Variants in BACH2 observed in about 807,000 individuals in gnomAD.
The protein encoded by BACH2 is BACH transcriptional regulator 2, also known as transcription regulator protein BACH2.
Under a neutral mutation model 61.8 loss-of-function variants are expected in BACH2, and 5 were observed. The observed-to-expected ratio is 0.08, with a 90% confidence interval of 0.04 to 0.17. The LOEUF is 0.17. BACH2 is among the 10% of genes least tolerant of loss of function. The pLI is 1.00. For synonymous variants in BACH2, 446 were observed against 440.1 expected (o/e 1.01, Z -0.17); for missense variants, 824 against 1,091.1 (o/e 0.76, Z 3.45).
intron 4 of BACH2, among the ~76,000 whole-genome samples, chr6:90,189,799 C>CT (rs1354921789): frequency 6.6e-6 from 1 of 152,110 alleles, no homozygotes; most frequent in Non-Finnish European, 1.5e-5. Flanking sequence ...GTTGGTTAAT[C>CT]TGCTGAGCCA....
chr6:90,224,907 A>G (rs573686121), intron 3 of BACH2, among the ~76,000 whole-genome samples: 271 of 152,342 alleles, frequency 1.8e-3, no homozygotes, highest in African/African-American at 6.4e-3. Flanking sequence ...AAAACTGCAG[A>G]AAGTGTTTTC....
intron 1 of BACH2, among the ~76,000 whole-genome samples, chr6:90,292,627 AG>A (rs534003616): frequency 8.1e-4 from 123 of 152,274 alleles, no homozygotes; most frequent in African/African-American, 2.6e-3. Flanking sequence ...TCTATTTTCC[AG>A]GTAGTTGTAA....
intron 8 of BACH2, among the ~76,000 whole-genome samples, chr6:89,934,608 G>A (rs891367981): frequency 2.0e-5 from 3 of 151,992 alleles, no homozygotes; most frequent in Non-Finnish European, 4.4e-5. Flanking sequence ...GCAGTGAGCC[G>A]AGATTGCACC....
intron 4 of BACH2, among the ~76,000 whole-genome samples, chr6:90,147,136 A>T (rs1038081895): frequency 1.2e-4 from 18 of 152,098 alleles, no homozygotes; most frequent in East Asian, 3.8e-4. Context: ...TGCAATATTT[A>T]AAAAAAAGCC....
chr6:90,126,619 A>AT (rs1783861822), intron 4 of BACH2, among the ~76,000 whole-genome samples: 1 of 152,214 alleles, frequency 6.6e-6, no homozygotes, highest in Admixed American at 6.5e-5. Flanking sequence ...ATTCAACATA[A>AT]CAGCAATAAA....
At chr6:90,025,643 C>T (rs530969588) in intron 5 of BACH2, among the ~76,000 whole-genome samples, 7 of 152,256 alleles carry the variant, frequency 4.6e-5, no homozygotes, top group South Asian at 2.1e-4. Context: ...TAGAGCTTCA[C>T]GCTGCTAATG....
intron 5 of BACH2, among the ~76,000 whole-genome samples, chr6:90,057,119 G>A (rs566386289): frequency 4.6e-5 from 7 of 152,200 alleles, no homozygotes; most frequent in African/African-American, 1.4e-4. Flanking sequence ...AAATAACCGA[G>A]ATCAGAGCAG....
chr6:90,259,799 T>C (rs1771099204), intron 2 of BACH2, among the ~76,000 whole-genome samples: 1 of 152,196 alleles, frequency 6.6e-6, no homozygotes, highest in African/African-American at 2.4e-5. Flanking sequence ...CCTGGTAGGT[T>C]GTATTTTCCT....
intron 4 of BACH2, among the ~76,000 whole-genome samples, chr6:90,159,104 C>CA (rs1368832466): frequency 6.6e-6 from 1 of 152,180 alleles, no homozygotes; most frequent in Non-Finnish European, 1.5e-5. Flanking sequence ...TAACGTGTGA[C>CA]AAAGTCCTCT....
At chr6:90,026,300 C>T (rs916232001) in intron 5 of BACH2, among the ~76,000 whole-genome samples, 10 of 152,122 alleles carry the variant, frequency 6.6e-5, no homozygotes, top group Non-Finnish European at 1.3e-4. Context: ...GAGGAGAACG[C>T]TATCAAAGTG....
At chr6:90,088,281 G>C (rs1782017680) in intron 5 of BACH2, among the ~76,000 whole-genome samples, 1 of 152,164 alleles carries the variant, frequency 6.6e-6, no homozygotes, top group Non-Finnish European at 1.5e-5. Context: ...TTTTGAGTGT[G>C]TCTAAAAGCA....
At position 89,993,818 on chromosome 6, in the gene BACH2, A is replaced by AT. The variant is rs1349434113; in HGVS notation, c.243+14783dup. On this transcript the variant is annotated intron_variant, in intron 6 of 8. Coordinates refer to ENST00000257749, the MANE Select transcript of BACH2 (RefSeq NM_021813.4). Reference sequence around the variant, plus strand: ...TGACTTTATGTTTTTTTTTTTTTGAATTTTTTTTCTATATTTCATACTTGA... The same window carrying AT: ...TGACTTTATGTTTTTTTTTTTTTGAATTTTTTTTTCTATATTTCATACTTGA... Among the ~76,000 whole-genome samples the AT allele has an allele frequency of 1.1e-3, 168 of 150,816 alleles. 1 individual carries two copies. The highest frequency in any genetic ancestry group is 3.4e-3 in the Middle Eastern group (1 of 294).
chr6:90,222,038 TAGAAA>T (rs1250996208), intron 3 of BACH2, among the ~76,000 whole-genome samples: 3 of 152,208 alleles, frequency 2.0e-5, no homozygotes, highest in Non-Finnish European at 2.9e-5. Flanking sequence ...CTTAATATTA[TAGAAA>T]AAAGTATTAT....
At chr6:90,016,179 CA>C (rs1778049825) in intron 5 of BACH2, among the ~76,000 whole-genome samples, 2 of 151,972 alleles carry the variant, frequency 1.3e-5, no homozygotes, top group African/African-American at 4.8e-5. Context: ...TTGTAAGTAA[CA>C]TATAATTGGG....
At chr6:90,056,397 G>T (rs1173123711) in intron 5 of BACH2, among the ~76,000 whole-genome samples, 2 of 152,126 alleles carry the variant, frequency 1.3e-5, no homozygotes, top group South Asian at 2.1e-4. Context: ...AATGGTAAAG[G>T]GATCAATTCA....
intron 1 of BACH2, among the ~76,000 whole-genome samples, chr6:90,295,765 G>C (rs148376224): frequency 8.5e-5 from 13 of 152,148 alleles, no homozygotes; most frequent in East Asian, 5.8e-4. Context: ...TTAGGTCTTA[G>C]CTACGCGGGA....
intron 4 of BACH2, among the ~76,000 whole-genome samples, chr6:90,111,171 C>T (rs1000115019): frequency 6.6e-6 from 1 of 152,158 alleles, no homozygotes; most frequent in Admixed American, 6.5e-5. Context: ...ACCTTGCATT[C>T]CCTGATAAGA....
chr6:90,131,695 T>C (rs139803431), intron 4 of BACH2, among the ~76,000 whole-genome samples: 7 of 152,324 alleles, frequency 4.6e-5, no homozygotes, highest in East Asian at 1.9e-4. Context: ...CATTATGTCA[T>C]TGTAAACAAA....
At chr6:89,971,245 C>A (rs1368269494) in intron 6 of BACH2, among the ~76,000 whole-genome samples, 1 of 152,202 alleles carries the variant, frequency 6.6e-6, no homozygotes, top group Non-Finnish European at 1.5e-5. Context: ...GACACTACAG[C>A]ACTTAGCTGG....
Sources: gnomAD v4.1 joint callset for allele counts (sites outside exome capture counted in the v4.1 genomes callset) on GRCh38, gnomAD v4.1.1 for gene constraint, MANE v1.5 for transcripts, NCBI Gene and HGNC (gene_info 2026-07-23, HGNC 2026-07-21) for gene names.